Variants in RAVER2 observed in about 807,000 individuals in gnomAD.
RAVER2 encodes ribonucleoprotein, PTB binding 2, also known as ribonucleoprotein PTB-binding 2.
A neutral mutation model predicts 78.1 loss-of-function variants in RAVER2; 46 were observed. The ratio of observed to expected loss-of-function variants is 0.59; its 90% CI spans 0.46 to 0.75. The LOEUF (loss-of-function observed/expected upper bound fraction) is 0.75. Ranked by LOEUF, RAVER2 falls within the 30% of genes least tolerant of loss-of-function variation. The probability of loss-of-function intolerance (pLI) is 0.00; values close to 1 mark genes in which losing one functional copy is unlikely to be tolerated. For synonymous variants in RAVER2, 311 were observed against 313.3 expected (o/e 0.99, Z 0.08); for missense variants, 793 against 837.5 (o/e 0.95, Z 0.66).
rs773149034 is a variant in RAVER2, at chr1:64,804,845, A to G, written c.1296+7A>G. On this transcript the variant is annotated splice_region_variant and intron_variant, in intron 7 of 11. Transcript: ENST00000294428. The stretch of plus-strand genomic sequence containing the variant: ...GAATATTCATACTAATAATGTAAGT[A>G]TGGTATCATTTTTTCTTTTAAAATC... The G allele has an allele frequency of 6.6e-7, 1 of 1,524,506 alleles. No homozygotes were observed. Among genetic ancestry groups the G allele is most frequent in the Admixed American group, 1.7e-5 (1 of 58,128 alleles). The allele number at this position is 1,524,506 out of a possible 1,614,324, so 94.4% of individuals were successfully genotyped here. A position where few individuals can be genotyped will look rare whatever the true frequency, so the allele number is the denominator to read the frequency against.
intron 6 of RAVER2, among the ~76,000 whole-genome samples, chr1:64,803,460 G>A (rs1480460066): frequency 6.6e-6 from 1 of 152,062 alleles, no homozygotes; most frequent in Non-Finnish European, 1.5e-5. Context: ...AATAACTCAT[G>A]TATATGAGAA....
rs531900823 is a variant in RAVER2, at chr1:64,812,929, C to A, written c.1792+80C>A. ...TAAGTTTTACTTTAATTTTTGACTT[C>A]ATGGAAGCAAATAATACCTATTGAC... On this transcript the variant is annotated intron_variant, in intron 10 of 11. Coordinates refer to ENST00000294428, the Ensembl canonical transcript of RAVER2. The A allele has an allele frequency of 4.7e-6, 5 of 1,056,292 alleles. No individual in the cohort carries two copies. In the African/African-American group the frequency reaches 5.0e-5, roughly 10 times the overall value. 65.4% of individuals were successfully genotyped at this position (1,056,292 alleles called of 1,614,324 possible). A position where few individuals can be genotyped will look rare whatever the true frequency, so the allele number is the denominator to read the frequency against.
rs557408253 is a variant in RAVER2, at chr1:64,798,561, A to G, written c.1106-4415A>G. On this transcript the variant is annotated intron_variant, in intron 5 of 11. Transcript: ENST00000294428. ...ACCAACAATGTAAAAGTGTAGTTTT[A>G]AAAGTGTTTTGATATCTGTTATTTG... Among the ~76,000 whole-genome samples the G allele has an allele frequency of 7.2e-5, 11 of 152,322 alleles. 1 individual carries two copies. The East Asian group carries it at 1.9e-3, about 27-fold the overall frequency.
chr1:64,762,325 A>G (rs1471250540), intron 1 of RAVER2, among the ~76,000 whole-genome samples: 1 of 152,152 alleles, frequency 6.6e-6, no homozygotes, highest in Non-Finnish European at 1.5e-5. Context: ...ACTCAGTATC[A>G]TTTAGATGTC....
chr1:64,833,016 G>GGACAT (rs1252658368), exon 12 of RAVER2: 1 of 173,854 alleles, frequency 5.8e-6, no homozygotes, highest in African/African-American at 2.4e-5. Flanking sequence ...ACAGCACAGT[G>GGACAT]GACATGCCAT....
intron 5 of RAVER2, among the ~76,000 whole-genome samples, chr1:64,792,015 A>T (rs897870524): frequency 5.9e-5 from 9 of 152,214 alleles, no homozygotes; most frequent in African/African-American, 2.2e-4. Context: ...TATATACCAT[A>T]TATGTAAAAG....
intron 1 of RAVER2, among the ~76,000 whole-genome samples, chr1:64,756,549 A>T (rs764491299): frequency 1.2e-4 from 19 of 152,248 alleles, no homozygotes; most frequent in Admixed American, 6.5e-4. Context: ...ATTTTAGATT[A>T]GCAGAAAAAG....
chr1:64,829,195 T>C (rs1007845234), intron 11 of RAVER2, among the ~76,000 whole-genome samples: 1 of 152,208 alleles, frequency 6.6e-6, no homozygotes, highest in Non-Finnish European at 1.5e-5. Context: ...ACCCAGGCTG[T>C]TGCTTTGCTG....
intron 4 of RAVER2, among the ~76,000 whole-genome samples, chr1:64,786,757 C>G (rs1181855476): frequency 2.0e-5 from 3 of 152,118 alleles, no homozygotes; most frequent in Admixed American, 1.3e-4. Context: ...CACACCATTG[C>G]CCTCCAGCCT....
intron 9 of RAVER2, among the ~76,000 whole-genome samples, chr1:64,809,049 G>T (rs1280891302): frequency 1.3e-5 from 2 of 152,264 alleles, no homozygotes; most frequent in Non-Finnish European, 1.5e-5. Context: ...AACCTGGAAA[G>T]GGACAACCAA....
At chr1:64,758,310 A>T (rs1323673890) in intron 1 of RAVER2, among the ~76,000 whole-genome samples, 1 of 152,096 alleles carries the variant, frequency 6.6e-6, no homozygotes, top group East Asian at 1.9e-4. Context: ...TCACACTGTG[A>T]TTATGTTAAA....
At chr1:64,812,391 A>G (rs953411884) in intron 9 of RAVER2, among the ~76,000 whole-genome samples, 19 of 149,202 alleles carry the variant, frequency 1.3e-4, no homozygotes, top group Non-Finnish European at 2.2e-4. Flanking sequence ...AAATAGGTAG[A>G]TAGATAGATA....
chr1:64,809,857 C>T (rs540360709), intron 9 of RAVER2, among the ~76,000 whole-genome samples: 1 of 152,270 alleles, frequency 6.6e-6, no homozygotes, highest in South Asian at 2.1e-4. Context: ...ATTTGTCCTT[C>T]TGTGTGTAGC....
chr1:64,828,215 T>C (rs1654045161), intron 11 of RAVER2, among the ~76,000 whole-genome samples: 1 of 129,614 alleles, frequency 7.7e-6, no homozygotes. Context: ...ACTTCACTTC[T>C]ATTTCTCTTT....
intron 1 of RAVER2, among the ~76,000 whole-genome samples, chr1:64,747,817 A>G (rs1276037059): frequency 1.3e-5 from 2 of 152,076 alleles, no homozygotes; most frequent in Non-Finnish European, 2.9e-5. Flanking sequence ...GCCTGGCCTC[A>G]TTTCTTTATT....
At chr1:64,762,875 A>G (rs970342105) in intron 1 of RAVER2, among the ~76,000 whole-genome samples, 2 of 152,236 alleles carry the variant, frequency 1.3e-5, no homozygotes, top group African/African-American at 2.4e-5. Flanking sequence ...AAGATATTAT[A>G]TGATAGATGG....
rs1433355317 is a variant in RAVER2 at position 64,789,375 on chromosome 1, A to G, written c.979-13A>G. 3.8e-6 allele frequency: 6 copies of G among 1,584,092 alleles called. No individual in the cohort carries two copies. The highest frequency in any genetic ancestry group is 2.3e-5 in the East Asian group (1 of 43,818). On this transcript the variant is annotated splice_polypyrimidine_tract_variant and intron_variant, in intron 4 of 11. Coordinates refer to ENST00000294428, the Ensembl canonical transcript of RAVER2. ...TGCTGTTCTAATGTTTCTTATTTCTATATTCATTGCAGATGCACAGTAATC... is the reference window on the plus strand; with the variant it reads ...TGCTGTTCTAATGTTTCTTATTTCTGTATTCATTGCAGATGCACAGTAATC...
exon 5 of RAVER2, chr1:64,789,393 C>T: frequency 1.2e-6 from 2 of 1,605,530 alleles, no homozygotes; most frequent in Non-Finnish European, 1.7e-6. Flanking sequence ...TGCAGATGCA[C>T]AGTAATCAAA....
chr1:64,824,798 G>T (rs758741459), intron 11 of RAVER2, among the ~76,000 whole-genome samples: 2 of 151,912 alleles, frequency 1.3e-5, no homozygotes, highest in Non-Finnish European at 1.5e-5. Context: ...GGGTGTGGTG[G>T]TGCACGCTTG....
Sources: allele counts gnomAD v4.1 joint callset (sites outside exome capture counted in the v4.1 genomes callset), GRCh38; gene constraint gnomAD v4.1.1; transcripts MANE v1.5; gene names NCBI Gene and HGNC (gene_info 2026-07-23, HGNC 2026-07-21).